SGSM3: variants seen among roughly 807,000 people sequenced by gnomAD.
The protein encoded by SGSM3 is small G protein signaling modulator 3, also known as RUN and SH3 containing 3.
Under a neutral mutation model 100.5 loss-of-function variants are expected in SGSM3, and 96 were observed. The observed-to-expected ratio is 0.96, with a 90% CI of 0.81 to 1.13. SGSM3 has a LOEUF of 1.13. Ranked by LOEUF, SGSM3 falls within the 50% of genes most tolerant of loss-of-function variation. The pLI is 0.00. For missense variants in SGSM3, 1,001 were observed against 1,015.8 expected (o/e 0.99, Z 0.20); for synonymous variants, 483 against 422.8 (o/e 1.14, Z -1.75).
Position 40,409,710 on chromosome 22 carries a change from G to C in SGSM3, c.2201G>C (p.Arg734Pro). ...CAGCAGCCCCTGAAGGAGGGCGTCC[G>C]GGACATGCTGGTGAAGCACCACCTC... The part of the protein sequence containing the change: ...EAQQPLKEGV[R>P]DMLVKHHLFS... Residue 734 changes from arginine to proline, a missense_variant, in exon 22 of 22, where the codon CGG becomes CCG. Transcript: ENST00000248929. The C allele has an allele frequency of 6.2e-7, 1 of 1,612,628 alleles. No homozygotes were observed. Among genetic ancestry groups the C allele is most frequent in the South Asian group, 1.1e-5 (1 of 91,052 alleles).
chr22:40,406,057 C>CT (rs1302637880), intron 8 of SGSM3, 21 bp from the exon 9 acceptor site: 1 of 1,608,804 alleles, frequency 6.2e-7, no homozygotes, highest in Admixed American at 1.7e-5. Context: ...TCCCCAGCGG[C>CT]TTTGGCTCCT....
At position 40,402,061 on chromosome 22, in the gene SGSM3, C is replaced by G. The variant is rs1044678820; in HGVS notation, c.91-78C>G. The G allele has an allele frequency of 1.9e-5, 21 of 1,128,784 alleles. No homozygotes were observed. The South Asian group carries it at 2.0e-4, about 11-fold the overall frequency. The allele number at this position is 1,128,784 out of a possible 1,614,324, so 69.9% of individuals were successfully genotyped here. A position where few individuals can be genotyped will look rare whatever the true frequency, so the allele number is the denominator to read the frequency against. Reference sequence around the variant, plus strand: ...GCTGGGTGGGATTTTAGCAGGCAACCCTGTGGGTGGCATCTTTCAGACCTG... The same window carrying G: ...GCTGGGTGGGATTTTAGCAGGCAACGCTGTGGGTGGCATCTTTCAGACCTG... On this transcript the variant is annotated intron_variant, in intron 3 of 21. Transcript: ENST00000248929.
intron 19 of SGSM3, 62 bp from the exon 20 acceptor site, chr22:40,409,188 C>T (rs1036948401): frequency 8.0e-5 from 124 of 1,555,212 alleles, no homozygotes; most frequent in Middle Eastern, 2.1e-4. Context: ...AGGCTTCCAC[C>T]GTGGCTGCAG....
intron 1 of SGSM3, among the ~76,000 whole-genome samples, chr22:40,383,854 G>A (rs2047986997): frequency 6.6e-6 from 1 of 152,202 alleles, no homozygotes; most frequent in Non-Finnish European, 1.5e-5. Flanking sequence ...AAAAGTGGCA[G>A]GGAGGGTCTG....
chr22:40,373,970 A>G (rs1377977562), intron 1 of SGSM3, among the ~76,000 whole-genome samples: 1 of 147,674 alleles, frequency 6.8e-6, no homozygotes, highest in African/African-American at 2.5e-5. Flanking sequence ...TATTTTTGAG[A>G]CGGAGTCTCC....
At chr22:40,372,122 C>T (rs190605877) in intron 1 of SGSM3, among the ~76,000 whole-genome samples, 24 of 65,210 alleles carry the variant, frequency 3.7e-4, no homozygotes, top group East Asian at 9.6e-4. Context: ...TCCCCCCCCC[C>T]TTTTTTTTTT....
intron 1 of SGSM3, among the ~76,000 whole-genome samples, chr22:40,399,137 C>A (rs2050406443): frequency 7.1e-6 from 1 of 140,760 alleles, no homozygotes; most frequent in Non-Finnish European, 1.5e-5. Flanking sequence ...GGATGCATCA[C>A]CATGCCTGGC....
chr22:40,408,545 G>A (rs2147015037), intron 16 of SGSM3, 82 bp from the exon 17 acceptor site: 1 of 1,592,302 alleles, frequency 6.3e-7, no homozygotes, highest in Non-Finnish European at 8.6e-7. Flanking sequence ...TGGCAGCGTG[G>A]TGACAGGTGC....
chr22:40,405,950 C>A (rs1036282759), intron 8 of SGSM3, 106 bp downstream of exon 8: 35 of 1,482,790 alleles, frequency 2.4e-5, no homozygotes, highest in African/African-American at 4.2e-5. Context: ...CTTTGTCGCT[C>A]TTTTGTTCTC....
intron 21 of SGSM3, 39 bp from the exon 22 acceptor site, chr22:40,409,643 G>A (rs1403012338): frequency 2.5e-6 from 4 of 1,613,178 alleles, no homozygotes; most frequent in Non-Finnish European, 3.4e-6. Context: ...CCCCAGCCAT[G>A]CCCAAGGCCT....
At position 40,409,512 on chromosome 22, in the gene SGSM3, C is replaced by T. The variant is rs2052266045; in HGVS notation, c.2159C>T (p.Pro720Leu). The part of the protein sequence containing the change: ...AFSLSQDWEL[P>L]AKREAQQPLK... Reference sequence around the variant, plus strand: ...AGCCTCTCCCAGGACTGGGAGCTCCCTGCGAAGAGAGAGGTGGGTGGTGTG... The same window carrying T: ...AGCCTCTCCCAGGACTGGGAGCTCCTTGCGAAGAGAGAGGTGGGTGGTGTG... Residue 720 changes from proline to leucine, a missense_variant, in exon 21 of 22, where the codon CCT (proline) becomes CTT (leucine). Pro to Leu is a moderately conservative substitution (Grantham distance 98). Coordinates refer to ENST00000248929, the MANE Select transcript of SGSM3 (RefSeq NM_015705.6). 6.3e-7 allele frequency: 1 copy of T among 1,597,756 alleles called. No individual in the cohort carries two copies. Among genetic ancestry groups the T allele is most frequent in the Non-Finnish European group, 8.5e-7 (1 of 1,172,076 alleles).
At chr22:40,390,541 G>A (rs2049215465) in intron 1 of SGSM3, 1 of 152,202 alleles carries the variant, frequency 6.6e-6, no homozygotes, top group South Asian at 2.1e-4. Flanking sequence ...GTTGTATATA[G>A]GTCATTTTGC....
intron 1 of SGSM3, among the ~76,000 whole-genome samples, chr22:40,378,545 A>G (rs1436842091): frequency 6.6e-6 from 1 of 151,744 alleles, no homozygotes; most frequent in Non-Finnish European, 1.5e-5. Flanking sequence ...CCTGGCCTAC[A>G]TGGCGAAACC....
intron 21 of SGSM3, 27 bp downstream of exon 21, chr22:40,409,552 T>A: frequency 6.2e-7 from 1 of 1,611,746 alleles, no homozygotes; most frequent in Middle Eastern, 1.7e-4. Context: ...TCGTAGGGCC[T>A]GCACTGATGG....
intron 1 of SGSM3, among the ~76,000 whole-genome samples, chr22:40,392,553 A>G (rs1200127603): frequency 1.3e-5 from 2 of 152,162 alleles, no homozygotes; most frequent in Non-Finnish European, 2.9e-5. Flanking sequence ...AGGGGAAGAG[A>G]AAGGCAAGAT....
chr22:40,381,914 C>A (rs926967046), intron 1 of SGSM3, among the ~76,000 whole-genome samples: 3 of 152,132 alleles, frequency 2.0e-5, no homozygotes, highest in Admixed American at 6.5e-5. Flanking sequence ...AGCCAAGATT[C>A]GCGCCACTGC....
intron 1 of SGSM3, among the ~76,000 whole-genome samples, chr22:40,384,340 A>G (rs895004218): frequency 6.6e-6 from 1 of 152,244 alleles, no homozygotes; most frequent in Non-Finnish European, 1.5e-5. Context: ...ATTAAAAAGA[A>G]TCATCTGAGA....
At chr22:40,388,066 CAG>C (rs1445190866) in intron 1 of SGSM3, 1 of 152,208 alleles carries the variant, frequency 6.6e-6, no homozygotes, top group Non-Finnish European at 1.5e-5. Context: ...AATATTGACT[CAG>C]GGAAGGGTAA....
rs1171738322 is a variant in SGSM3, at chr22:40,407,544, C to T, written c.1500C>T (p.Gly500=). The T allele has an allele frequency of 6.2e-7, 1 of 1,604,954 alleles. No homozygotes were observed. The highest frequency in any genetic ancestry group is 1.7e-5 in the Admixed American group (1 of 60,006). The stretch of plus-strand genomic sequence containing the variant: ...AGCGGCACGACGACGACGAGCTGGG[C>T]TTCCGCAAGAACGACATCATCACAG... ...DFERHDDDEL[G]FRKNDIITIV... The change falls in exon 13 of 22, where the codon GGC becomes GGT. Residue 500 remains glycine, a synonymous_variant. Coordinates refer to ENST00000248929, the MANE Select transcript of SGSM3 (RefSeq NM_015705.6). This position sits in a 1 kb window ranked among gnomAD's most constrained non-coding sequence, Gnocchi z 4.7.
Sources: gnomAD v4.1 joint callset for allele counts (sites outside exome capture counted in the v4.1 genomes callset) on GRCh38, gnomAD v4.1.1 for gene constraint, Gnocchi (gnomAD v3.1) non-coding constraint, MANE v1.5 for transcripts, NCBI Gene and HGNC (gene_info 2026-07-23, HGNC 2026-07-21) for gene names.